Variants in SLC44A5 observed in about 807,000 individuals in gnomAD.
The protein encoded by SLC44A5 is solute carrier family 44 member 5.
SLC44A5 carries 57 observed loss-of-function variants against 101.8 expected under a neutral mutation model. The observed-to-expected ratio is 0.56, with a 90% CI of 0.45 to 0.70. The LOEUF (loss-of-function observed/expected upper bound fraction) is 0.70. Ranked by LOEUF, SLC44A5 falls within the 30% of genes least tolerant of loss-of-function variation. SLC44A5 has a pLI of 0.00. For synonymous variants in SLC44A5, 281 were observed against 290.9 expected, an observed-to-expected ratio of 0.97 and a Z score of 0.35; for missense variants, 737 against 853.1, an observed-to-expected ratio of 0.86 and a Z score of 1.70.
chr1:75,650,080 C>A, the SLC44A5 span, among the ~76,000 whole-genome samples: 1 of 151,816 alleles, frequency 6.6e-6, no homozygotes, highest in African/African-American at 2.4e-5. Context: ...TATTTTTATA[C>A]TTTAGGGAGT....
rs541389003 is a variant in SLC44A5 at position 75,205,541 on chromosome 1, G to A, written c.2048-1708C>T. On this transcript the variant is annotated intron_variant, in intron 23 of 23. Transcript: ENST00000370859. ...TCAGAAACCTCAGGCGGCCAGCGGT[G>A]GCAGGTGGCAACAACTTTCCTCCTA... The A allele has an allele frequency of 1.4e-4, 21 of 152,236 alleles. No individual in the cohort carries two copies. In the East Asian group the frequency reaches 3.9e-3, roughly 28 times the overall value. 9.4% of individuals were successfully genotyped at this position (152,236 alleles called of 1,614,324 possible). A position where few individuals can be genotyped will look rare whatever the true frequency, so the allele number is the denominator to read the frequency against.
intron 5 of SLC44A5, among the ~76,000 whole-genome samples, chr1:75,298,031 A>C (rs2100851133): frequency 6.6e-6 from 1 of 152,360 alleles, no homozygotes; most frequent in South Asian, 2.1e-4. Context: ...TCATGGATGA[A>C]AGATAAGTCT....
intron 3 of SLC44A5, among the ~76,000 whole-genome samples, chr1:75,359,654 C>G (rs1178380071): frequency 6.6e-6 from 1 of 152,108 alleles, no homozygotes; most frequent in Non-Finnish European, 1.5e-5. Context: ...AACTCTATAA[C>G]ATATTGATTT....
intron 2 of SLC44A5, among the ~76,000 whole-genome samples, chr1:75,416,939 A>T (rs1663688105): frequency 6.6e-6 from 1 of 152,174 alleles, no homozygotes; most frequent in African/African-American, 2.4e-5. Context: ...TTACAGGCTC[A>T]TAGGCAGAAG....
chr1:75,644,446 A>G, the SLC44A5 span, among the ~76,000 whole-genome samples: 1 of 152,062 alleles, frequency 6.6e-6, no homozygotes, highest in African/African-American at 2.4e-5. Context: ...TTTTTAACAA[A>G]AGTTCACCTC....
intron 3 of SLC44A5, among the ~76,000 whole-genome samples, chr1:75,341,942 C>A (rs1261323985): frequency 6.6e-6 from 1 of 152,102 alleles, no homozygotes; most frequent in East Asian, 1.9e-4. Flanking sequence ...TTTTAGATGA[C>A]CCACTAACTG....
At chr1:75,409,461 C>CT (rs918209151) in intron 2 of SLC44A5, among the ~76,000 whole-genome samples, 2 of 152,032 alleles carry the variant, frequency 1.3e-5, no homozygotes, top group Admixed American at 1.3e-4. Context: ...GAGACAGGGT[C>CT]TTGTTGTTTC....
chr1:75,636,058 C>T, the SLC44A5 span, among the ~76,000 whole-genome samples: 7 of 152,054 alleles, frequency 4.6e-5, no homozygotes, highest in African/African-American at 1.7e-4. Flanking sequence ...ATCATGCACC[C>T]CTGCCACACC....
chr1:75,629,144 G>A, the SLC44A5 span, among the ~76,000 whole-genome samples: 1,854 of 152,194 alleles, frequency 0.012, 40 homozygotes, highest in African/African-American at 0.043. Flanking sequence ...GAGGGAAAGT[G>A]GAGAAGAAGC....
At chr1:75,419,663 A>C (rs2101552173) in intron 2 of SLC44A5, among the ~76,000 whole-genome samples, 1 of 152,304 alleles carries the variant, frequency 6.6e-6, no homozygotes, top group South Asian at 2.1e-4. Flanking sequence ...AATCTACACA[A>C]AGGAATTAAG....
chr1:75,523,081 CA>C (rs762727648), intron 2 of SLC44A5, among the ~76,000 whole-genome samples: 1 of 152,128 alleles, frequency 6.6e-6, no homozygotes, highest in Non-Finnish European at 1.5e-5. Flanking sequence ...TCTACACAAC[CA>C]TACCCCATTT....
chr1:75,302,146 C>T (rs1654537792), intron 4 of SLC44A5, among the ~76,000 whole-genome samples: 1 of 52,666 alleles, frequency 1.9e-5, no homozygotes, highest in South Asian at 6.1e-4. Context: ...TGGTTAACAA[C>T]CATTGTAAGC....
chr1:75,723,999 G>C, the SLC44A5 span: 30 of 152,254 alleles, frequency 2.0e-4, no homozygotes, highest in African/African-American at 7.2e-4. Flanking sequence ...GAATTCCTCA[G>C]GGAGACATTC....
intron 2 of SLC44A5, among the ~76,000 whole-genome samples, chr1:75,494,611 T>C (rs1344612108): frequency 1.3e-5 from 2 of 152,156 alleles, no homozygotes; most frequent in Non-Finnish European, 2.9e-5. Context: ...ACCTGTCTAG[T>C]ATCCCAACTT....
intron 2 of SLC44A5, among the ~76,000 whole-genome samples, chr1:75,511,111 C>T (rs1385178634): frequency 6.6e-6 from 1 of 151,988 alleles, no homozygotes; most frequent in Non-Finnish European, 1.5e-5. Flanking sequence ...CAACTGCACT[C>T]CAGCCTGGGC....
At chr1:75,718,567 C>T in the SLC44A5 span, among the ~76,000 whole-genome samples, 2 of 152,158 alleles carry the variant, frequency 1.3e-5, no homozygotes, top group African/African-American at 2.4e-5. Context: ...ACGGGGATAG[C>T]AGTGCCCAGA....
intron 2 of SLC44A5, among the ~76,000 whole-genome samples, chr1:75,523,802 G>A (rs562302525): frequency 1.3e-5 from 2 of 152,280 alleles, no homozygotes; most frequent in South Asian, 4.1e-4. Flanking sequence ...CCGGAGAGTG[G>A]CAATGCTACT....
At chr1:75,599,631 G>A (rs758799442) in intron 1 of SLC44A5, among the ~76,000 whole-genome samples, 2 of 152,024 alleles carry the variant, frequency 1.3e-5, no homozygotes, top group Non-Finnish European at 2.9e-5. Flanking sequence ...AGAGAAGATG[G>A]GAAATTTTAC....
At chr1:75,700,500 G>C in the SLC44A5 span, among the ~76,000 whole-genome samples, 13 of 152,192 alleles carry the variant, frequency 8.5e-5, no homozygotes, top group East Asian at 5.8e-4. Flanking sequence ...GGGACACATT[G>C]AAAGCAGTGT....
Sources: allele counts gnomAD v4.1 joint callset (sites outside exome capture counted in the v4.1 genomes callset), GRCh38; gene constraint gnomAD v4.1.1; transcripts MANE v1.5; gene names NCBI Gene and HGNC (gene_info 2026-07-23, HGNC 2026-07-21).